Variants in NEK6 observed in about 807,000 individuals in gnomAD.
The protein encoded by NEK6 is serine/threonine-protein kinase Nek6.
A neutral mutation model predicts 43.5 loss-of-function variants in NEK6; 27 were observed. The ratio of observed to expected loss-of-function variants is 0.62; its 90% CI spans 0.46 to 0.86. The LOEUF (loss-of-function observed/expected upper bound fraction) is 0.86, where lower values mean the gene tolerates loss of function less well. Among genes scored for constraint, NEK6 ranks in the 40% least tolerant of loss-of-function variants. The probability of loss-of-function intolerance (pLI) is 0.00; values close to 1 mark genes in which losing one functional copy is unlikely to be tolerated. For missense variants in NEK6, 318 were observed against 414.4 expected (o/e 0.77, Z 2.02); for synonymous variants, 167 against 164.1 (o/e 1.02, Z -0.14).
chr9:124,306,252 A>G (rs545916407), intron 2 of NEK6, among the ~76,000 whole-genome samples: 1 of 152,018 alleles, frequency 6.6e-6, no homozygotes, highest in Admixed American at 6.5e-5. Flanking sequence ...TTCGCCCTTT[A>G]TGTCTCTGCT....
intron 1 of NEK6, among the ~76,000 whole-genome samples, chr9:124,276,189 T>TGGATCAG (rs1397628774): frequency 6.6e-6 from 1 of 152,084 alleles, no homozygotes; most frequent in Non-Finnish European, 1.5e-5. Context: ...AGCTCCTACC[T>TGGATCAG]GGAGACCCCT....
intron 1 of NEK6, among the ~76,000 whole-genome samples, chr9:124,270,069 G>T (rs189723023): frequency 6.8e-6 from 1 of 147,454 alleles, no homozygotes; most frequent in African/African-American, 2.5e-5. Flanking sequence ...TTCCTTCCAC[G>T]CCCCCCCCCC....
chr9:124,270,011 C>T (rs1831375924), intron 1 of NEK6, among the ~76,000 whole-genome samples: 1 of 152,130 alleles, frequency 6.6e-6, no homozygotes, highest in Non-Finnish European at 1.5e-5. Flanking sequence ...CCAACCGCAG[C>T]ATCCCTGCCT....
chr9:124,324,841 G>C lies in NEK6; in HGVS notation c.406-1489G>C, dbSNP rs1327971358. Among the ~76,000 whole-genome samples the C allele has an allele frequency of 1.3e-5, 2 of 152,182 alleles. No individual in the cohort carries two copies. Among genetic ancestry groups the C allele is most frequent in the East Asian group, 3.9e-4 (2 of 5,176 alleles). On this transcript the variant is annotated intron_variant, in intron 5 of 9. Transcript: ENST00000320246. This position sits in a 1 kb window ranked among gnomAD's most constrained non-coding sequence, Gnocchi z 5.3. ...CTTGGGCATGTTCCTGAACCTCTGA[G>C]CTCAGTCTCCCATATCAATGGTTAC...
Position 124,339,592 on chromosome 9 carries a change from C to T in NEK6, c.644C>T (p.Ser215Leu), listed in dbSNP as rs751648398. Residue 215 changes from serine (S) to leucine (L), a missense_variant, in exon 8 of 10, where the codon TCA becomes TTA. This residue lies in a region of NEK6 where 239 missense variants were observed against 344.4 expected (regional missense o/e 0.69). Coordinates refer to ENST00000320246, the MANE Select transcript of NEK6 (RefSeq NM_014397.6). ...HSLVGTPYYM[S>L]PERIHENGYN... ...GCAGTGGGGACGCCCTACTACATGT[C>T]ACCGGAGAGGATCCATGAGAACGGC... 1.2e-6 allele frequency: 2 copies of T among 1,614,050 alleles called. No homozygotes were observed. Among genetic ancestry groups the T allele is most frequent in the Non-Finnish European group, 1.7e-6 (2 of 1,179,934 alleles).
intron 8 of NEK6, among the ~76,000 whole-genome samples, chr9:124,340,355 G>A (rs1564660109): frequency 6.6e-6 from 1 of 152,210 alleles, no homozygotes. Context: ...TCTTGGCCAT[G>A]AAGCTCTTGC....
intron 2 of NEK6, among the ~76,000 whole-genome samples, chr9:124,308,581 GGGAGGCGGAGATTGCAATGAGCCGA>G (rs1325176967): frequency 6.6e-6 from 1 of 151,980 alleles, no homozygotes; most frequent in Non-Finnish European, 1.5e-5. Flanking sequence ...GCTTGAACCC[GGGAGGCGGAGATTGCAATGAGCCGA>G]GATCGCGCCA....
intron 1 of NEK6, among the ~76,000 whole-genome samples, chr9:124,299,219 A>G (rs185676423): frequency 2.0e-5 from 3 of 152,318 alleles, no homozygotes; most frequent in East Asian, 3.9e-4. Flanking sequence ...CTGTGGGCCA[A>G]GGCTGGTGCC....
At chr9:124,279,758 AC>A (rs1407637633) in intron 1 of NEK6, among the ~76,000 whole-genome samples, 1 of 152,114 alleles carries the variant, frequency 6.6e-6, no homozygotes, top group Admixed American at 6.5e-5. Flanking sequence ...CCTTATTGGC[AC>A]CACCCAGTCA....
chr9:124,271,078 G>A (rs1193125331), intron 1 of NEK6, among the ~76,000 whole-genome samples: 1 of 152,236 alleles, frequency 6.6e-6, no homozygotes, highest in Admixed American at 6.5e-5. Context: ...CAGACTGCTG[G>A]CCCAGCAGGT....
At chr9:124,333,526 T>C (rs1211499232) in intron 7 of NEK6, among the ~76,000 whole-genome samples, 1 of 152,208 alleles carries the variant, frequency 6.6e-6, no homozygotes, top group Non-Finnish European at 1.5e-5. Context: ...CTTCACTAGT[T>C]CCTTCACTTT....
intron 9 of NEK6, 135 bp from the exon 10 acceptor site, chr9:124,350,702 C>A: frequency 1.4e-6 from 1 of 712,186 alleles, no homozygotes; most frequent in East Asian, 2.8e-5. Context: ...AAACACCGTT[C>A]TTCAGCTCTA....
At chr9:124,310,221 G>C (rs1833460753) in intron 2 of NEK6, among the ~76,000 whole-genome samples, 1 of 152,236 alleles carries the variant, frequency 6.6e-6, no homozygotes, top group African/African-American at 2.4e-5. Context: ...TCAGATTCCT[G>C]AAATGGGGAC....
chr9:124,264,115 G>A (rs1015130219), intron 1 of NEK6, among the ~76,000 whole-genome samples: 1 of 152,244 alleles, frequency 6.6e-6, no homozygotes, highest in Non-Finnish European at 1.5e-5. Context: ...CAAGGCCTGA[G>A]GGAGTCCTGC....
At position 124,324,005 on chromosome 9, in the gene NEK6, T is replaced by C. The variant is rs1834201798; in HGVS notation, c.406-2325T>C. Among the ~76,000 whole-genome samples, 1 of 152,012 alleles carries C rather than the reference T, an allele frequency of 6.6e-6. No homozygotes were observed. On this transcript the variant is annotated intron_variant, in intron 5 of 9. Coordinates refer to ENST00000320246, the MANE Select transcript of NEK6 (RefSeq NM_014397.6). The surrounding 1 kb of genome is among the most constrained non-coding windows in gnomAD (Gnocchi z 5.3). Reference sequence around the variant, plus strand: ...TCGGGTCCTTCCTCCTCACCTGGCATGGTTCCCCCTCCCACAGTCCCCACC... The same window carrying C: ...TCGGGTCCTTCCTCCTCACCTGGCACGGTTCCCCCTCCCACAGTCCCCACC...
At chr9:124,350,619 TAGAC>T (rs964991358) in intron 9 of NEK6, among the ~76,000 whole-genome samples, 1 of 152,176 alleles carries the variant, frequency 6.6e-6, no homozygotes, top group African/African-American at 2.4e-5. Flanking sequence ...CCTTTGGGAC[TAGAC>T]AGGCCTGGGA....
At chr9:124,345,063 T>G (rs1430473560) in intron 8 of NEK6, among the ~76,000 whole-genome samples, 1 of 152,216 alleles carries the variant, frequency 6.6e-6, no homozygotes, top group Non-Finnish European at 1.5e-5. Flanking sequence ...CCAGCTTCTC[T>G]GAGCCCTCCT....
At chr9:124,323,481 G>C (rs927666021) in intron 5 of NEK6, among the ~76,000 whole-genome samples, 2 of 152,208 alleles carry the variant, frequency 1.3e-5, no homozygotes, top group African/African-American at 4.8e-5. Flanking sequence ...CGGGTGGAAG[G>C]AGAGGTGAGG....
At chr9:124,267,254 C>T (rs1831266020) in intron 1 of NEK6, among the ~76,000 whole-genome samples, 1 of 152,238 alleles carries the variant, frequency 6.6e-6, no homozygotes, top group South Asian at 2.1e-4. Context: ...GTGGCCTTGG[C>T]GGGCCACCAG....
Sources: gnomAD v4.1 joint callset for allele counts (sites outside exome capture counted in the v4.1 genomes callset) on GRCh38, gnomAD v4.1.1 for gene constraint, gnomAD v4.1.1 regional missense constraint, Gnocchi (gnomAD v3.1) non-coding constraint, MANE v1.5 for transcripts, NCBI Gene and HGNC (gene_info 2026-07-23, HGNC 2026-07-21) for gene names.